Variants in MGAT4C observed in about 807,000 individuals in gnomAD.
The protein encoded by MGAT4C is alpha-1,3-mannosyl-glycoprotein 4-beta-N-acetylglucosaminyltransferase C.
A neutral mutation model predicts 40.1 loss-of-function variants in MGAT4C; 19 were observed. The observed-to-expected ratio is 0.47, with a 90% confidence interval of 0.33 to 0.70. MGAT4C has a LOEUF of 0.70. MGAT4C is among the 30% of genes least tolerant of loss of function. The pLI is 0.02. For synonymous variants in MGAT4C, 181 were observed against 187.1 expected (o/e 0.97, Z 0.27); for missense variants, 491 against 563.2 (o/e 0.87, Z 1.30).
chr12:86,041,812 G>T (rs982786828), intron 2 of MGAT4C, among the ~76,000 whole-genome samples: 1 of 152,148 alleles, frequency 6.6e-6, no homozygotes, highest in Non-Finnish European at 1.5e-5. Context: ...TGGGTGGAGA[G>T]TTCTGTAGGT....
At chr12:86,272,260 C>T (rs1290964881) in intron 4 of MGAT4C, among the ~76,000 whole-genome samples, 2 of 152,084 alleles carry the variant, frequency 1.3e-5, no homozygotes, top group African/African-American at 4.8e-5. Context: ...ACTTCATTGT[C>T]TATATAGGCC....
chr12:86,216,587 T>TA (rs1200185323), intron 1 of MGAT4C, among the ~76,000 whole-genome samples: 1 of 152,230 alleles, frequency 6.6e-6, no homozygotes, highest in African/African-American at 2.4e-5. Flanking sequence ...TGTATGTCAC[T>TA]ATGTATGATG....
rs142652768 is a variant in MGAT4C, at chr12:86,579,980, T to C, written c.-228-144715A>G. Among the ~76,000 whole-genome samples, 1,012 of 135,574 alleles carry C rather than the reference T, an allele frequency of 7.5e-3. 8 individuals carry two copies. The highest frequency in any genetic ancestry group is 0.026 in the African/African-American group (966 of 37,656). The allele number at this position is 135,574 out of a possible 152,430, so 88.9% of individuals were successfully genotyped here. A position where few individuals can be genotyped will look rare whatever the true frequency, so the allele number is the denominator to read the frequency against. ...TGCTTTTAGGATCCTTTCTTAATCCTTGACATTTGGGAGTTTGATTATTAA... is the reference window on the plus strand; with the variant it reads ...TGCTTTTAGGATCCTTTCTTAATCCCTGACATTTGGGAGTTTGATTATTAA... On this transcript the variant is annotated intron_variant, in intron 2 of 7. Transcript: ENST00000548651.
intron 2 of MGAT4C, among the ~76,000 whole-genome samples, chr12:86,602,106 C>T (rs1479135207): frequency 6.6e-6 from 1 of 152,178 alleles, no homozygotes; most frequent in African/African-American, 2.4e-5. Flanking sequence ...GCCAGCATGC[C>T]TGGCTGTGCA....
intron 2 of MGAT4C, among the ~76,000 whole-genome samples, chr12:85,992,221 T>G (rs1886033504): frequency 6.6e-6 from 1 of 152,202 alleles, no homozygotes. Flanking sequence ...ACTTAAGACA[T>G]GGAGAACAGA....
intron 4 of MGAT4C, among the ~76,000 whole-genome samples, chr12:86,298,886 T>A (rs966382259): frequency 3.3e-5 from 5 of 152,048 alleles, no homozygotes; most frequent in South Asian, 2.1e-4. Flanking sequence ...GAGAAAAAAA[T>A]TGAATTTAAA....
At chr12:86,081,499 C>T (rs1321263801) in intron 1 of MGAT4C, among the ~76,000 whole-genome samples, 1 of 152,102 alleles carries the variant, frequency 6.6e-6, no homozygotes, top group Non-Finnish European at 1.5e-5. Context: ...TTTACAAATT[C>T]ACCATGAATC....
At chr12:86,649,716 T>A (rs1031017215) in intron 2 of MGAT4C, among the ~76,000 whole-genome samples, 3 of 151,792 alleles carry the variant, frequency 2.0e-5, no homozygotes, top group Non-Finnish European at 1.5e-5. Flanking sequence ...TATTTAAATC[T>A]AAAGGCCGTT....
intron 2 of MGAT4C, among the ~76,000 whole-genome samples, chr12:86,643,080 T>C (rs992349193): frequency 1.3e-5 from 2 of 151,714 alleles, no homozygotes; most frequent in Admixed American, 6.6e-5. Context: ...AGGTAATTTA[T>C]AAAGAAAATA....
At chr12:85,983,793 C>G in intron 3 of MGAT4C, 123 bp from the exon 4 acceptor site, 1 of 734,778 alleles carries the variant, frequency 1.4e-6, no homozygotes, top group Non-Finnish European at 2.0e-6. Flanking sequence ...TTATATAAAT[C>G]TCAACTACTG....
intron 3 of MGAT4C, among the ~76,000 whole-genome samples, chr12:86,427,368 A>G (rs1436034626): frequency 6.6e-6 from 1 of 152,016 alleles, no homozygotes; most frequent in African/African-American, 2.4e-5. Context: ...TAAGATAATT[A>G]TACATATTAT....
intron 4 of MGAT4C, among the ~76,000 whole-genome samples, chr12:86,311,586 C>A (rs1480956085): frequency 5.3e-5 from 8 of 152,086 alleles, no homozygotes; most frequent in African/African-American, 1.7e-4. Context: ...ACAGAGCTGG[C>A]TTCATGGGTA....
intron 1 of MGAT4C, among the ~76,000 whole-genome samples, chr12:86,803,313 T>C (rs933149830): frequency 1.3e-5 from 2 of 151,332 alleles, no homozygotes; most frequent in Non-Finnish European, 3.0e-5. Context: ...ATAAAAACCC[T>C]AGAAGAAAAC....
At chr12:86,044,135 G>A (rs1322275048) in intron 2 of MGAT4C, among the ~76,000 whole-genome samples, 1 of 152,146 alleles carries the variant, frequency 6.6e-6, no homozygotes, top group Non-Finnish European at 1.5e-5. Context: ...GAAGATTTTA[G>A]GGGTCTAAGG....
chr12:86,096,715 G>T (rs1182199997), intron 1 of MGAT4C, among the ~76,000 whole-genome samples: 1 of 151,046 alleles, frequency 6.6e-6, no homozygotes, highest in Non-Finnish European at 1.5e-5. Context: ...TATTTTTCCT[G>T]CTGTTGGGAT....
intron 2 of MGAT4C, among the ~76,000 whole-genome samples, chr12:86,440,346 T>C (rs1392325810): frequency 6.6e-6 from 1 of 151,958 alleles, no homozygotes; most frequent in Non-Finnish European, 1.5e-5. Context: ...ACAAATGTGA[T>C]TCACCACAAA....
At chr12:86,278,406 T>C (rs1044021352) in intron 4 of MGAT4C, among the ~76,000 whole-genome samples, 4 of 152,134 alleles carry the variant, frequency 2.6e-5, no homozygotes, top group African/African-American at 9.7e-5. Context: ...CTTGAACTCC[T>C]GACCTCAGGT....
rs1422641682 is a variant in MGAT4C, at chr12:86,642,328, T to G, written c.-229+84881A>C. Among the ~76,000 whole-genome samples the G allele has an allele frequency of 4.6e-5, 7 of 151,966 alleles. 1 individual carries two copies. The South Asian group carries it at 8.3e-4, about 18-fold the overall frequency. On this transcript the variant is annotated intron_variant, in intron 2 of 7. Coordinates refer to the MGAT4C transcript ENST00000548651. ...AGTGTGCATAAATCTACATGGCTTT[T>G]CATTCTTTTCCATTGGCAACACTTC...
intron 2 of MGAT4C, among the ~76,000 whole-genome samples, chr12:86,583,345 A>T (rs1960872277): frequency 6.6e-6 from 1 of 151,344 alleles, no homozygotes; most frequent in Non-Finnish European, 1.5e-5. Flanking sequence ...AAAGAAAGTG[A>T]ATGAAATATT....
Sources: gnomAD v4.1 joint callset for allele counts (sites outside exome capture counted in the v4.1 genomes callset) on GRCh38, gnomAD v4.1.1 for gene constraint, MANE v1.5 for transcripts, NCBI Gene and HGNC (gene_info 2026-07-23, HGNC 2026-07-21) for gene names.